PIK3R6: variants seen among roughly 807,000 people sequenced by gnomAD.
The protein encoded by PIK3R6 is phosphoinositide 3-kinase regulatory subunit 6.
In PIK3R6, 91 loss-of-function variants were observed where a neutral mutation model predicts 84.9. That is an observed-to-expected ratio of 1.07 (90% CI 0.90 to 1.28). PIK3R6 has a LOEUF of 1.28. PIK3R6 is among the 50% of genes most tolerant of loss of function. The pLI, the probability that PIK3R6 is intolerant of heterozygous loss-of-function variation, is 0.00. For missense variants in PIK3R6, 996 were observed against 985.1 expected, an observed-to-expected ratio of 1.01 and a Z score of -0.15; for synonymous variants, 416 against 411.4, an observed-to-expected ratio of 1.01 and a Z score of -0.13.
At chr17:8,866,527 G>A (rs574074714) in intron 1 of PIK3R6, among the ~76,000 whole-genome samples, 2 of 152,116 alleles carry the variant, frequency 1.3e-5, no homozygotes, top group African/African-American at 2.4e-5. Context: ...GCGCAAAAGC[G>A]TGAGACTGTC....
intron 10 of PIK3R6, among the ~76,000 whole-genome samples, chr17:8,829,200 C>CACAA (rs371560363): frequency 0.024 from 3,364 of 138,378 alleles, 89 homozygotes; most frequent in African/African-American, 0.07. Flanking sequence ...CATACACACA[C>CACAA]GTGCACACAC....
chr17:8,856,787 T>C (rs1206054049), intron 1 of PIK3R6, among the ~76,000 whole-genome samples: 1 of 152,096 alleles, frequency 6.6e-6, no homozygotes, highest in Non-Finnish European at 1.5e-5. Flanking sequence ...AATACATTTC[T>C]ACATTTTCTG....
Position 8,828,534 on chromosome 17 carries a change from C to T in PIK3R6, c.1313+33G>A, listed in dbSNP as rs747676987. 28 of 1,600,674 alleles carry T rather than the reference C, an allele frequency of 1.7e-5. No homozygotes were observed. The African/African-American group carries it at 3.3e-4, about 19-fold the overall frequency. On this transcript the variant is annotated intron_variant, in intron 11 of 19. Coordinates refer to ENST00000619866, the MANE Select transcript of PIK3R6 (RefSeq NM_001010855.4). ...CAGGCCCACCTGTGCCCCTGACCAG[C>T]GCCCACCCCCAGCCCCCACGTCGGG...
Position 8,861,181 on chromosome 17 carries a change from CAAAA to C in PIK3R6, c.-92+6344_-92+6347del, listed in dbSNP as rs35125812. On this transcript the variant is annotated intron_variant, in intron 1 of 19. Transcript: ENST00000619866. ...TGGGTGACAGAGTGAGACTCTGTCT[CAAAA>C]AAAAAAAAAAAAAAGAAAGAAAGAA... 7.2e-3 allele frequency among the ~76,000 whole-genome samples: 692 copies of C among 95,650 alleles called. 1 individual carries two copies. The highest frequency in any genetic ancestry group is 9.6e-3 in the Non-Finnish European group (461 of 48,074). The allele number at this position is 95,650 out of a possible 152,430, so 62.8% of individuals were successfully genotyped here. A position where few individuals can be genotyped will look rare whatever the true frequency, so the allele number is the denominator to read the frequency against.
At chr17:8,825,801 T>G (rs1238580006) in intron 13 of PIK3R6, among the ~76,000 whole-genome samples, 1 of 152,300 alleles carries the variant, frequency 6.6e-6, no homozygotes, top group East Asian at 1.9e-4. Context: ...AGGCAGAAAC[T>G]GTAAAGAATA....
rs138049650 is a variant in PIK3R6, at chr17:8,822,845, C to A, written c.1717+151G>T. 406 of 923,378 alleles carry A rather than the reference C, an allele frequency of 4.4e-4. 2 individuals carry two copies. The African/African-American group carries it at 5.8e-3, about 13-fold the overall frequency. The allele number at this position is 923,378 out of a possible 1,614,324, so 57.2% of individuals were successfully genotyped here. On this transcript the variant is annotated intron_variant, in intron 15 of 19. Transcript: ENST00000619866. ...TGTGGGGGTTGGAGGGGATCAAGAGCAGCCTTGGCATTCAGCAGAGGTAGG... is the reference window on the plus strand; with the variant it reads ...TGTGGGGGTTGGAGGGGATCAAGAGAAGCCTTGGCATTCAGCAGAGGTAGG...
chr17:8,835,683 T>C (rs1471344478), intron 7 of PIK3R6, among the ~76,000 whole-genome samples: 1 of 152,150 alleles, frequency 6.6e-6, no homozygotes, highest in African/African-American at 2.4e-5. Flanking sequence ...TCTAATCCAC[T>C]GTCCACAGAG....
chr17:8,833,321 C>A (rs562871919), intron 8 of PIK3R6, among the ~76,000 whole-genome samples: 18 of 152,362 alleles, frequency 1.2e-4, no homozygotes, highest in African/African-American at 4.1e-4. Context: ...TAGCCACTGA[C>A]GCCCACTTCC....
intron 1 of PIK3R6, among the ~76,000 whole-genome samples, chr17:8,858,677 T>C (rs1295197657): frequency 1.3e-5 from 2 of 152,206 alleles, no homozygotes; most frequent in Non-Finnish European, 2.9e-5. Flanking sequence ...ACGGTGGCGA[T>C]GGCAGGAGCT....
intron 1 of PIK3R6, among the ~76,000 whole-genome samples, chr17:8,855,497 G>A (rs2089113422): frequency 6.6e-6 from 1 of 152,204 alleles, no homozygotes. Flanking sequence ...AAAGGCAGAT[G>A]AAAACCATGA....
chr17:8,861,181 C>CA (rs35125812), intron 1 of PIK3R6, among the ~76,000 whole-genome samples: 6,037 of 95,408 alleles, frequency 0.063, 169 homozygotes, highest in Middle Eastern at 0.096. Flanking sequence ...GACTCTGTCT[C>CA]AAAAAAAAAA....
At chr17:8,822,479 G>A in intron 16 of PIK3R6, 108 bp downstream of exon 16, 1 of 1,289,802 alleles carries the variant, frequency 7.8e-7, no homozygotes, top group Non-Finnish European at 1.1e-6. Context: ...TTCAAGAAAA[G>A]GGGCAGAAGC....
intron 1 of PIK3R6, among the ~76,000 whole-genome samples, chr17:8,866,793 C>A (rs2089423657): frequency 6.6e-6 from 1 of 152,150 alleles, no homozygotes; most frequent in Non-Finnish European, 1.5e-5. Context: ...ACACCACACA[C>A]CTCCTGGCTC....
In PIK3R6 at chr17:8,828,730, G is replaced by C. The variant is rs572355835; in HGVS notation, c.1150C>G (p.Pro384Ala). 1 of 1,608,618 alleles carries C rather than the reference G, an allele frequency of 6.2e-7. No individual in the cohort carries two copies. Among genetic ancestry groups the C allele is most frequent in the East Asian group, 2.2e-5 (1 of 44,712 alleles). ...CCTGGGGGCCCGTCCCAGCTGCCAG[G>C]CATCAAGAAGTCCAGGGGCCATGCA... is the stretch of plus-strand genomic sequence containing the variant. ...KRAWPLDFLMPGSWDGPPGLH... is the reference protein window; with the variant it reads ...KRAWPLDFLMAGSWDGPPGLH... The change falls in exon 11 of 20, where the codon CCT becomes GCT. Residue 384 changes from proline to alanine, a missense_variant. By Grantham distance (27) the Pro-to-Ala change is conservative. Coordinates refer to ENST00000619866, the MANE Select transcript of PIK3R6 (RefSeq NM_001010855.4).
chr17:8,823,810 AC>A (rs2151215952), intron 13 of PIK3R6, among the ~76,000 whole-genome samples: 1 of 152,282 alleles, frequency 6.6e-6, no homozygotes, highest in South Asian at 2.1e-4. Flanking sequence ...CTAATGAGAG[AC>A]CCAGGAGTGG....
intron 18 of PIK3R6, among the ~76,000 whole-genome samples, chr17:8,809,824 A>G (rs1326774507): frequency 6.6e-6 from 1 of 152,196 alleles, no homozygotes; most frequent in African/African-American, 2.4e-5. Flanking sequence ...GGAAAAAGAT[A>G]TTTCACACAA....
intron 12 of PIK3R6, 71 bp downstream of exon 12, chr17:8,828,041 G>A (rs1320169140): frequency 7.4e-6 from 11 of 1,477,698 alleles, no homozygotes; most frequent in Non-Finnish European, 1.0e-5. Context: ...GGGGGATGCG[G>A]GGCTGCAGGT....
chr17:8,834,671 G>A (rs891684985), intron 8 of PIK3R6, among the ~76,000 whole-genome samples: 8 of 151,854 alleles, frequency 5.3e-5, no homozygotes, highest in Admixed American at 4.6e-4. Context: ...GCAATTATAG[G>A]CATGAACCAC....
chr17:8,856,639 C>T (rs1268015025), intron 1 of PIK3R6, among the ~76,000 whole-genome samples: 2 of 152,026 alleles, frequency 1.3e-5, no homozygotes, highest in African/African-American at 4.8e-5. Context: ...ATGTTGATGT[C>T]GATACATTTT....
Sources: gnomAD v4.1 joint callset for allele counts (sites outside exome capture counted in the v4.1 genomes callset) on GRCh38, gnomAD v4.1.1 for gene constraint, MANE v1.5 for transcripts, NCBI Gene and HGNC (gene_info 2026-07-23, HGNC 2026-07-21) for gene names.